The following ELFN1 variants were observed in gnomAD, a reference collection of about 807,000 sequenced individuals.
The protein encoded by ELFN1 is extracellular leucine rich repeat and fibronectin type III domain containing 1, also known as protein ELFN1.
In ELFN1, 6 loss-of-function variants were observed where a neutral mutation model predicts 7.6. The ratio of observed to expected loss-of-function variants is 0.79; its 90% CI spans 0.43 to 1.56. The LOEUF (loss-of-function observed/expected upper bound fraction) is 1.56. ELFN1 is among the 40% of genes most tolerant of loss of function. The pLI is 0.01. For missense variants in ELFN1, 1,169 were observed against 1,232.2 expected (o/e 0.95, Z 0.77); for synonymous variants, 657 against 588.1 (o/e 1.12, Z -1.70).
chr7:1,734,211 G>A (rs962067195), intron 3 of ELFN1, among the ~76,000 whole-genome samples: 5 of 152,110 alleles, frequency 3.3e-5, no homozygotes, highest in Non-Finnish European at 5.9e-5. Context: ...TAAGTGATGC[G>A]CTTTCTGACG....
chr7:1,745,499 G>A lies in ELFN1; in HGVS notation c.903G>A (p.Thr301=), dbSNP rs368819996. The A allele has an allele frequency of 2.9e-5, 45 of 1,544,184 alleles. No individual in the cohort carries two copies. Among genetic ancestry groups the A allele is most frequent in the Non-Finnish European group, 3.7e-5 (42 of 1,146,810 alleles). The change falls in exon 4 of 4, where the codon ACG becomes ACA. Residue 301 remains threonine (T), a synonymous_variant. Coordinates refer to ENST00000424383, the MANE Select transcript of ELFN1 (RefSeq NM_001128636.4). ...AGTGCTTCTCCGGGGACGGCACCAC[G>A]CCACTGGTGGCCCTGCCCACGCTGG... ...DDECFSGDGT[T]PLVALPTLAT... is the part of the protein sequence containing the mutation.
intron 1 of ELFN1, among the ~76,000 whole-genome samples, chr7:1,680,540 C>T (rs575582782): frequency 6.6e-6 from 1 of 152,256 alleles, no homozygotes; most frequent in South Asian, 2.1e-4. Flanking sequence ...ATCCTGTGCG[C>T]CGACACCGTC....
intron 3 of ELFN1, among the ~76,000 whole-genome samples, chr7:1,737,039 C>T (rs1019737875): frequency 6.6e-6 from 1 of 152,150 alleles, no homozygotes; most frequent in Non-Finnish European, 1.5e-5. Context: ...CAGCATTGCC[C>T]GCCACTGCCT....
upstream of ELFN1, among the ~76,000 whole-genome samples, chr7:1,668,445 C>G (rs2128571556): frequency 6.6e-6 from 1 of 152,344 alleles, no homozygotes; most frequent in Non-Finnish European, 1.5e-5. Flanking sequence ...AAATGGGGAT[C>G]CAGTACCTCT....
chr7:1,689,950 G>C (rs567691089), intron 2 of ELFN1, among the ~76,000 whole-genome samples: 27 of 152,226 alleles, frequency 1.8e-4, no homozygotes, highest in South Asian at 4.1e-4. Context: ...TGGACACCTG[G>C]CATCTGGAGA....
At chr7:1,734,041 G>C (rs1355703773) in intron 3 of ELFN1, among the ~76,000 whole-genome samples, 1 of 152,242 alleles carries the variant, frequency 6.6e-6, no homozygotes, top group Non-Finnish European at 1.5e-5. Flanking sequence ...AGGAAGAGAA[G>C]AACCAGCACC....
At chr7:1,727,704 G>A (rs1438873921) in intron 3 of ELFN1, among the ~76,000 whole-genome samples, 1 of 152,052 alleles carries the variant, frequency 6.6e-6, no homozygotes, top group African/African-American at 2.4e-5. Context: ...CACCTCCTGG[G>A]CTCAAGGAAT....
At chr7:1,726,331 G>C (rs1253101782) in intron 3 of ELFN1, among the ~76,000 whole-genome samples, 1 of 152,202 alleles carries the variant, frequency 6.6e-6, no homozygotes, top group East Asian at 1.9e-4. Context: ...TCCAAACCCT[G>C]TCAGTTCTTC....
Position 1,706,549 on chromosome 7 carries a change from C to T in ELFN1, c.-455-2542C>T, listed in dbSNP as rs111606764. On this transcript the variant is annotated intron_variant, in intron 2 of 3. Transcript: ENST00000424383. ...ACCCTCCACGACATGCAAATCTGGG[C>T]GTGCCCCCGGCCTTCCCAGTGCAGC... is the stretch of plus-strand genomic sequence containing the variant. Among the ~76,000 whole-genome samples, 395 of 152,356 alleles carry T rather than the reference C, an allele frequency of 2.6e-3. 2 individuals carry two copies. Among genetic ancestry groups the T allele is most frequent in the African/African-American group, 8.8e-3 (365 of 41,582 alleles).
intron 3 of ELFN1, among the ~76,000 whole-genome samples, chr7:1,714,371 C>T (rs551483611): frequency 2.0e-5 from 3 of 152,322 alleles, no homozygotes; most frequent in East Asian, 3.9e-4. Context: ...AGCATCCCCA[C>T]CAGAGCTGTC....
At chr7:1,722,265 C>CTT (rs35253681) in intron 3 of ELFN1, among the ~76,000 whole-genome samples, 30 of 135,250 alleles carry the variant, frequency 2.2e-4, no homozygotes, top group Admixed American at 4.5e-4. Flanking sequence ...TTAGGAGCCA[C>CTT]TTTTTTTTTT....
At chr7:1,701,091 G>A (rs771440494) in intron 2 of ELFN1, among the ~76,000 whole-genome samples, 17 of 151,670 alleles carry the variant, frequency 1.1e-4, no homozygotes, top group African/African-American at 2.4e-4. Context: ...GTGTGTGTGC[G>A]CGTGTGTGTG....
At chr7:1,736,161 G>A (rs1376537411) in intron 3 of ELFN1, among the ~76,000 whole-genome samples, 1 of 152,210 alleles carries the variant, frequency 6.6e-6, no homozygotes, top group Non-Finnish European at 1.5e-5. Flanking sequence ...CAGACAGGGC[G>A]AGAGCCAAGC....
At chr7:1,696,929 G>A (rs997281820) in intron 2 of ELFN1, among the ~76,000 whole-genome samples, 1 of 152,216 alleles carries the variant, frequency 6.6e-6, no homozygotes, top group Admixed American at 6.5e-5. Context: ...AACAACGAGG[G>A]CCACAGGAAA....
chr7:1,706,267 A>G (rs1390327530), intron 2 of ELFN1, among the ~76,000 whole-genome samples: 1 of 152,176 alleles, frequency 6.6e-6, no homozygotes, highest in Non-Finnish European at 1.5e-5. Context: ...TACTAAAAAT[A>G]CAAAAATTAG....
upstream of ELFN1, among the ~76,000 whole-genome samples, chr7:1,670,199 C>T (rs983469421): frequency 2.0e-5 from 3 of 150,626 alleles, no homozygotes; most frequent in Non-Finnish European, 4.5e-5. The surrounding 1 kb of genome is among the most constrained non-coding windows in gnomAD (Gnocchi z 6.4). Context: ...GCAGGGCGAG[C>T]TTGAATTCCC....
chr7:1,696,334 G>A (rs1381079965), intron 2 of ELFN1, among the ~76,000 whole-genome samples: 1 of 151,748 alleles, frequency 6.6e-6, no homozygotes, highest in Non-Finnish European at 1.5e-5. Context: ...GAGAGAGAGA[G>A]GGAAAGAGAG....
intron 3 of ELFN1, among the ~76,000 whole-genome samples, chr7:1,721,611 G>A (rs1035804130): frequency 2.6e-5 from 4 of 152,320 alleles, no homozygotes; most frequent in South Asian, 2.1e-4. Flanking sequence ...TGCATGCAGG[G>A]CATCGAGTTA....
intron 3 of ELFN1, among the ~76,000 whole-genome samples, chr7:1,741,943 T>C (rs1780629180): frequency 6.6e-6 from 1 of 152,070 alleles, no homozygotes; most frequent in African/African-American, 2.4e-5. Flanking sequence ...CTGCCCTGTG[T>C]ACACACCTGT....
Sources: gnomAD v4.1 joint callset for allele counts (sites outside exome capture counted in the v4.1 genomes callset) on GRCh38, gnomAD v4.1.1 for gene constraint, Gnocchi (gnomAD v3.1) non-coding constraint, MANE v1.5 for transcripts, NCBI Gene and HGNC (gene_info 2026-07-23, HGNC 2026-07-21) for gene names.